DPP10: variants seen among roughly 807,000 people sequenced by gnomAD.
DPP10 encodes dipeptidyl peptidase like 10, also known as inactive dipeptidyl peptidase 10.
A neutral mutation model predicts 120.9 loss-of-function variants in DPP10; 33 were observed. That is an observed-to-expected ratio of 0.27 (90% CI 0.21 to 0.37). The LOEUF (loss-of-function observed/expected upper bound fraction) is 0.37, where lower values mean the gene tolerates loss of function less well. Ranked by LOEUF, DPP10 falls within the 10% of genes least tolerant of loss-of-function variation. The probability of loss-of-function intolerance (pLI) is 1.00; values close to 1 mark genes in which losing one functional copy is unlikely to be tolerated. For missense variants in DPP10, 816 were observed against 942.8 expected (o/e 0.87, Z 1.76); for synonymous variants, 337 against 326.1 (o/e 1.03, Z -0.36).
At chr2:114,585,242 G>C (rs1242192792) in intron 1 of DPP10, among the ~76,000 whole-genome samples, 1 of 152,092 alleles carries the variant, frequency 6.6e-6, no homozygotes, top group East Asian at 1.9e-4. Context: ...GTTTCTTGTG[G>C]TTGTAGGACT....
At chr2:115,806,278 T>C (rs895783560) in intron 19 of DPP10, among the ~76,000 whole-genome samples, 25 of 152,224 alleles carry the variant, frequency 1.6e-4, no homozygotes, top group Non-Finnish European at 3.5e-4. Flanking sequence ...AGGTCAACTT[T>C]TATAATTGTG....
intron 1 of DPP10, among the ~76,000 whole-genome samples, chr2:115,241,277 T>A (rs540768950): frequency 1.3e-5 from 2 of 151,996 alleles, no homozygotes; most frequent in East Asian, 3.9e-4. Flanking sequence ...TCAAAATAAA[T>A]AAATAAATAA....
intron 3 of DPP10, among the ~76,000 whole-genome samples, chr2:115,483,757 C>T (rs956898858): frequency 1.1e-4 from 16 of 152,004 alleles, no homozygotes; most frequent in East Asian, 3.9e-4. Flanking sequence ...TTGTAAATTC[C>T]GACTGCTCCT....
chr2:115,180,805 G>C (rs531633167), intron 1 of DPP10, among the ~76,000 whole-genome samples: 1 of 152,128 alleles, frequency 6.6e-6, no homozygotes, highest in East Asian at 1.9e-4. Context: ...TGTCCTTTCT[G>C]CTTATTTATC....
intron 7 of DPP10, among the ~76,000 whole-genome samples, chr2:115,691,981 C>A (rs1356174266): frequency 6.6e-6 from 1 of 151,982 alleles, no homozygotes; most frequent in Non-Finnish European, 1.5e-5. Flanking sequence ...ATATATCAAC[C>A]TTGCTACGCA....
intron 4 of DPP10, among the ~76,000 whole-genome samples, chr2:115,511,733 T>TCTTCTTC (rs1257421752): frequency 7.0e-6 from 1 of 142,748 alleles, no homozygotes; most frequent in African/African-American, 2.6e-5. Flanking sequence ...TTCTTCTTCT[T>TCTTCTTC]TTTTTTTTTT....
chr2:114,534,413 C>T (rs1468989152), intron 1 of DPP10, among the ~76,000 whole-genome samples: 1 of 151,834 alleles, frequency 6.6e-6, no homozygotes, highest in Non-Finnish European at 1.5e-5. Flanking sequence ...GAATGAACTA[C>T]TCAGAGGTTT....
At chr2:115,228,205 C>A (rs2057539162) in intron 1 of DPP10, among the ~76,000 whole-genome samples, 1 of 151,928 alleles carries the variant, frequency 6.6e-6, no homozygotes, top group Non-Finnish European at 1.5e-5. Flanking sequence ...TCTTGGCCTA[C>A]CAAAGTACTG....
intron 1 of DPP10, among the ~76,000 whole-genome samples, chr2:114,536,408 CTT>C (rs70937287): frequency 3.1e-5 from 4 of 128,724 alleles, no homozygotes; most frequent in Admixed American, 8.5e-5. Context: ...TTTTCTTTTT[CTT>C]TTTTTTTTTT....
intron 1 of DPP10, among the ~76,000 whole-genome samples, chr2:115,301,379 C>T (rs569942602): frequency 6.6e-6 from 1 of 151,944 alleles, no homozygotes; most frequent in African/African-American, 2.4e-5. Flanking sequence ...ACCAGTCCCT[C>T]AGGCAGCCCA....
At chr2:114,984,351 C>A in intron 1 of DPP10, among the ~76,000 whole-genome samples, 1 of 152,030 alleles carries the variant, frequency 6.6e-6, no homozygotes, top group East Asian at 1.9e-4. Context: ...CGACTGCCGC[C>A]TTGGGTTCCA....
intron 5 of DPP10, among the ~76,000 whole-genome samples, chr2:115,548,385 A>T (rs1313010731): frequency 6.6e-6 from 1 of 151,340 alleles, no homozygotes; most frequent in Non-Finnish European, 1.5e-5. Flanking sequence ...TTTTCCTGGC[A>T]TTATGCTAAA....
chr2:114,770,499 C>T (rs1437744695), intron 1 of DPP10, among the ~76,000 whole-genome samples: 1 of 152,012 alleles, frequency 6.6e-6, no homozygotes, highest in African/African-American at 2.4e-5. Flanking sequence ...GTGAATGGAT[C>T]CCAACTTTTG....
intron 2 of DPP10, among the ~76,000 whole-genome samples, chr2:115,315,226 G>A (rs1373106209): frequency 6.6e-6 from 1 of 151,208 alleles, no homozygotes; most frequent in Non-Finnish European, 1.5e-5. Context: ...TTGAAAGAGG[G>A]CTTTAAAAAT....
chr2:115,318,094 T>G (rs2061884454), intron 2 of DPP10, among the ~76,000 whole-genome samples: 2 of 152,078 alleles, frequency 1.3e-5, no homozygotes, highest in African/African-American at 2.4e-5. Flanking sequence ...CATGGGTCAT[T>G]GATTCATTTT....
At chr2:115,543,615 T>C (rs2079310409) in intron 5 of DPP10, among the ~76,000 whole-genome samples, 1 of 151,884 alleles carries the variant, frequency 6.6e-6, no homozygotes. Flanking sequence ...ATAAACTCTT[T>C]AAAGGCAGAC....
At chr2:115,197,667 C>T (rs1224913811) in intron 1 of DPP10, among the ~76,000 whole-genome samples, 2 of 152,052 alleles carry the variant, frequency 1.3e-5, no homozygotes, top group Non-Finnish European at 2.9e-5. Context: ...TGCTATAAAC[C>T]CTAATAGATG....
intron 1 of DPP10, among the ~76,000 whole-genome samples, chr2:115,197,301 AGAATCGCCT>A (rs1201662690): frequency 6.6e-6 from 1 of 151,888 alleles, no homozygotes; most frequent in Non-Finnish European, 1.5e-5. Context: ...CTGAGGCAGG[AGAATCGCCT>A]GAACCTGGGA....
intron 1 of DPP10, among the ~76,000 whole-genome samples, chr2:114,839,527 A>G (rs995238891): frequency 3.0e-4 from 45 of 152,208 alleles, no homozygotes; most frequent in African/African-American, 1.1e-3. Flanking sequence ...AAGAAAATAA[A>G]CTCTGCCAAC....
Sources: allele counts gnomAD v4.1 joint callset (sites outside exome capture counted in the v4.1 genomes callset), GRCh38; gene constraint gnomAD v4.1.1; transcripts MANE v1.5; gene names NCBI Gene and HGNC (gene_info 2026-07-23, HGNC 2026-07-21).